Variants in ATRX observed in about 807,000 individuals in gnomAD.
The protein encoded by ATRX is ATRX chromatin remodeler.
In ATRX, 12 loss-of-function variants were observed where a neutral mutation model predicts 172.6. That is an observed-to-expected ratio of 0.07 (90% CI 0.04 to 0.11). The LOEUF is 0.11. Among genes scored for constraint, ATRX ranks in the 10% least tolerant of loss-of-function variants. ATRX has a pLI of 1.00. For synonymous variants in ATRX, 674 were observed against 594.7 expected (o/e 1.13, Z -1.94); for missense variants, 1,368 against 1,767.4 (o/e 0.77, Z 4.05).
In ATRX at chrX:77,514,152, G is replaced by A. The variant is rs181792516; in HGVS notation, c.7201-5523C>T. Among the ~76,000 whole-genome samples the A allele has an allele frequency of 2.7e-5, 3 of 112,143 alleles. No homozygotes were observed. The East Asian group carries it at 8.4e-4, about 32-fold the overall frequency. ...AACATTCCATGCTCATGGATAGGAA[G>A]AATCAATATTGTTGAAATGGTCATA... On this transcript the variant is annotated intron_variant, in intron 34 of 34. Transcript: ENST00000373344.
In ATRX at chrX:77,656,551, T is replaced by C; in HGVS notation, c.4214+9A>G. ...ATTCCTAAAATTTTTTAAAAACCAA[T>C]TATAATACCTTGTTCTGGGCCGCTG... is the stretch of plus-strand genomic sequence containing the variant. On this transcript the variant is annotated intron_variant, in intron 13 of 34. Coordinates refer to ENST00000373344, the MANE Select transcript of ATRX (RefSeq NM_000489.6). The C allele has an allele frequency of 8.3e-7, 1 of 1,201,279 alleles. No homozygotes were observed. The highest frequency in any genetic ancestry group is 1.1e-6 in the Non-Finnish European group (1 of 887,323).
intron 1 of ATRX, among the ~76,000 whole-genome samples, chrX:77,784,733 T>G (rs1324773908): frequency 8.9e-6 from 1 of 112,067 alleles, no homozygotes; most frequent in Non-Finnish European, 1.9e-5. Flanking sequence ...AAAGAAAATA[T>G]AATCTACTGC....
intron 28 of ATRX, among the ~76,000 whole-genome samples, chrX:77,569,952 T>A (rs1305355147): frequency 8.9e-6 from 1 of 111,769 alleles, no homozygotes; most frequent in Non-Finnish European, 1.9e-5. Flanking sequence ...TAAAAATAGC[T>A]AAAACAATCT....
At chrX:77,629,807 C>T (rs186560671) in intron 19 of ATRX, among the ~76,000 whole-genome samples, 1 of 112,103 alleles carries the variant, frequency 8.9e-6, no homozygotes, top group East Asian at 2.8e-4. Context: ...TGACAACCAA[C>T]TGCTCTGACC....
In ATRX at chrX:77,681,625, C is replaced by T. The variant is rs1382482576; in HGVS notation, c.3631G>A (p.Asp1211Asn). 1 of 1,205,345 alleles carries T rather than the reference C, an allele frequency of 8.3e-7. No homozygotes were observed. Among genetic ancestry groups the T allele is most frequent in the Non-Finnish European group, 1.1e-6 (1 of 893,345 alleles). ...CCCTCACCTATAGAATTCTGATCATCATCTTCTATATCAGAAGAAGATGAG... is the reference window on the plus strand; with the variant it reads ...CCCTCACCTATAGAATTCTGATCATTATCTTCTATATCAGAAGAAGATGAG... Reference protein sequence around the residue: ...TSSSSSDIEDDDQNSIGEGSS... With the variant: ...TSSSSSDIEDNDQNSIGEGSS... Residue 1211 changes from aspartate (D) to asparagine (N), a missense_variant, in exon 9 of 35, where the codon GAT (aspartate) becomes AAT (asparagine). Physicochemically the swap from Asp to Asn is conservative, Grantham distance 23. Coordinates refer to ENST00000373344, the MANE Select transcript of ATRX (RefSeq NM_000489.6).
chrX:77,721,967 C>A (rs2073794262), intron 1 of ATRX, among the ~76,000 whole-genome samples: 1 of 111,364 alleles, frequency 9.0e-6, no homozygotes, highest in Non-Finnish European at 1.9e-5. Context: ...GTACTGGTAC[C>A]AAAACAGAGA....
intron 10 of ATRX, chrX:77,675,247 T>C (rs1262900215): frequency 8.9e-6 from 1 of 112,225 alleles, no homozygotes; most frequent in Non-Finnish European, 1.9e-5. Context: ...AATGAAATCA[T>C]CTCAAATCTA....
chrX:77,681,991 T>C lies in ATRX; in HGVS notation c.3265A>G (p.Arg1089Gly). The C allele has an allele frequency of 8.3e-7, 1 of 1,210,718 alleles. No individual in the cohort carries two copies. Among genetic ancestry groups the C allele is most frequent in the Non-Finnish European group, 1.1e-6 (1 of 894,669 alleles). ...DKKSKNGAYG[R>G]EKKRCKLLGK... ...AGCAACTTGCACCTTTTCTTCTCTCTACCATATGCTCCATTCTTACTCTTT... is the reference window on the plus strand; with the variant it reads ...AGCAACTTGCACCTTTTCTTCTCTCCACCATATGCTCCATTCTTACTCTTT... Residue 1089 changes from arginine (R) to glycine (G), a missense_variant, in exon 9 of 35, where the codon AGA becomes GGA. By Grantham distance (125) the Arg-to-Gly change is moderately radical. Around this residue, in one of 17 missense-constraint regions of ATRX, gnomAD observed 843 missense variants for 643.1 expected, o/e 1.31. Transcript: ENST00000373344.
intron 30 of ATRX, among the ~76,000 whole-genome samples, chrX:77,533,059 T>C (rs1557047034): frequency 8.9e-6 from 1 of 112,081 alleles, no homozygotes; most frequent in African/African-American, 3.2e-5. Context: ...TCACTGATCG[T>C]TAGAGAAATG....
chrX:77,660,369 T>C (rs892617035), intron 12 of ATRX, among the ~76,000 whole-genome samples: 1 of 110,054 alleles, frequency 9.1e-6, no homozygotes, highest in African/African-American at 3.3e-5. Flanking sequence ...ATCGAGACCA[T>C]CCTGGCTAAC....
At chrX:77,575,211 T>C (rs1207374096) in intron 27 of ATRX, among the ~76,000 whole-genome samples, 1 of 111,008 alleles carries the variant, frequency 9.0e-6, no homozygotes, top group East Asian at 2.8e-4. Flanking sequence ...TACTTATGTC[T>C]TTCCAGCAAG....
chrX:77,572,089 T>G (rs2065436446), intron 28 of ATRX, among the ~76,000 whole-genome samples: 1 of 111,595 alleles, frequency 9.0e-6, no homozygotes, highest in South Asian at 3.7e-4. Flanking sequence ...TTTTGTTTCA[T>G]TTTCTGTTTG....
At chrX:77,635,057 A>G (rs1387867224) in intron 16 of ATRX, among the ~76,000 whole-genome samples, 2 of 111,617 alleles carry the variant, frequency 1.8e-5, no homozygotes, top group Non-Finnish European at 3.8e-5. Flanking sequence ...CGAGGCGGGT[A>G]GATCACTTGA....
At chrX:77,522,603 C>A in intron 31 of ATRX, 1 of 390,053 alleles carries the variant, frequency 2.6e-6, no homozygotes, top group South Asian at 3.5e-5. Context: ...TCTGATAATT[C>A]CCACAGAATG....
In ATRX at chrX:77,717,256, A is replaced by T; in HGVS notation, c.21-13T>A. On this transcript the variant is annotated splice_polypyrimidine_tract_variant and intron_variant, in intron 1 of 34. Transcript: ENST00000373344. Reference sequence around the variant, plus strand: ...CAACTTGCTTTCACTATTAAAACAAAATTTAAAGAATTCCCTTAATTAGCC... The same window carrying T: ...CAACTTGCTTTCACTATTAAAACAATATTTAAAGAATTCCCTTAATTAGCC... 8.8e-7 allele frequency: 1 copy of T among 1,136,110 alleles called. No individual in the cohort carries two copies. The allele number at this position is 1,136,110 out of a possible 1,213,427, so 93.6% of individuals were successfully genotyped here. A position where few individuals can be genotyped will look rare whatever the true frequency, so the allele number is the denominator to read the frequency against.
intron 1 of ATRX, among the ~76,000 whole-genome samples, chrX:77,730,894 A>C (rs902146563): frequency 9.0e-6 from 1 of 111,120 alleles, no homozygotes; most frequent in African/African-American, 3.3e-5. Context: ...AATACTTCAA[A>C]TAAACAACCT....
chrX:77,719,432 T>C (rs1208310214), intron 1 of ATRX, among the ~76,000 whole-genome samples: 1 of 110,872 alleles, frequency 9.0e-6, no homozygotes, highest in Non-Finnish European at 1.9e-5. Context: ...ATGGATATAA[T>C]AATTTTAAAA....
At chrX:77,713,746 A>G (rs1278678748) in intron 2 of ATRX, among the ~76,000 whole-genome samples, 3 of 111,863 alleles carry the variant, frequency 2.7e-5, no homozygotes, top group African/African-American at 9.7e-5. Context: ...GAACATCACC[A>G]TTTTGAACCC....
At chrX:77,620,253 C>T in intron 20 of ATRX, 142 bp downstream of exon 20, 1 of 604,824 alleles carries the variant, frequency 1.7e-6, no homozygotes, top group Non-Finnish European at 2.5e-6. Context: ...GTTATTCTTT[C>T]ACAGCAGACT....
Sources: allele counts gnomAD v4.1 joint callset (sites outside exome capture counted in the v4.1 genomes callset), GRCh38; gene constraint gnomAD v4.1.1; regional missense constraint gnomAD v4.1.1; transcripts MANE v1.5; gene names NCBI Gene and HGNC (gene_info 2026-07-23, HGNC 2026-07-21).